The following NUDT6 variants were observed in gnomAD, a reference collection of about 807,000 sequenced individuals.
NUDT6 encodes the protein nudix hydrolase 6.
A neutral mutation model predicts 36.8 loss-of-function variants in NUDT6; 24 were observed. The observed-to-expected ratio is 0.65, with a 90% CI of 0.47 to 0.92. The LOEUF is 0.92. Ranked by LOEUF, NUDT6 falls within the 40% of genes least tolerant of loss-of-function variation. The probability of loss-of-function intolerance (pLI) is 0.00; values close to 1 mark genes in which losing one functional copy is unlikely to be tolerated. For missense variants in NUDT6, 388 were observed against 392.8 expected, an observed-to-expected ratio of 0.99 and a Z score of 0.10; for synonymous variants, 163 against 157.0, an observed-to-expected ratio of 1.04 and a Z score of -0.29.
chr4:122,917,564 G>GTGT lies in NUDT6; in HGVS notation c.378_379insACA (p.Thr126dup). 1 of 1,614,190 alleles carries GTGT rather than the reference G, an allele frequency of 6.2e-7. No individual in the cohort carries two copies. Among genetic ancestry groups the GTGT allele is most frequent in the Non-Finnish European group, 8.5e-7 (1 of 1,180,036 alleles). Reference sequence around the variant, plus strand: ...CTGCTGGGCCCTTCTCTCAGCCACAGAGTCAACGTTGATGAATCCGATTCT... The same window carrying GTGT: ...CTGCTGGGCCCTTCTCTCAGCCACAGTGTAGTCAACGTTGATGAATCCGATTCT... On this transcript the variant is annotated inframe_insertion, in exon 2 of 5. Transcript: ENST00000304430.
intron 3 of NUDT6, among the ~76,000 whole-genome samples, chr4:122,911,803 A>C (rs894174097): frequency 1.3e-5 from 2 of 152,166 alleles, no homozygotes; most frequent in Non-Finnish European, 2.9e-5. Context: ...ATCCCTAATC[A>C]CGGTACTTCT....
intron 1 of NUDT6, chr4:122,919,839 A>G (rs1473507977): frequency 6.6e-6 from 1 of 152,158 alleles, no homozygotes; most frequent in Non-Finnish European, 1.5e-5. Flanking sequence ...ATTTTTTCCA[A>G]TTCTATTTAA....
intron 3 of NUDT6, among the ~76,000 whole-genome samples, chr4:122,908,935 T>C (rs901080322): frequency 4.6e-5 from 7 of 152,230 alleles, no homozygotes; most frequent in Non-Finnish European, 1.0e-4. Context: ...AACTTCTTTC[T>C]TTCTTACTTA....
At chr4:122,893,552 TAAA>T (rs1727254881) in intron 4 of NUDT6, 1 of 196,534 alleles carries the variant, frequency 5.1e-6, no homozygotes, top group South Asian at 1.8e-4. Flanking sequence ...ATTGAAAAGT[TAAA>T]ACATTTTGCA....
In NUDT6 at chr4:122,917,605, A is replaced by G; in HGVS notation, c.338T>C (p.Phe113Ser). 6.2e-7 allele frequency: 1 copy of G among 1,614,208 alleles called. No individual in the cohort carries two copies. Among genetic ancestry groups the G allele is most frequent in the South Asian group, 1.1e-5 (1 of 91,086 alleles). The change falls in exon 2 of 5, where the codon TTC becomes TCC. Residue 113 changes from phenylalanine to serine, a missense_variant. Transcript: ENST00000304430. ...ATCCGATTCTGCGTGGTGAAAGCAGAAGCCCAGGGAAGCAGCAGGGGCAAT... is the reference window on the plus strand; with the variant it reads ...ATCCGATTCTGCGTGGTGAAAGCAGGAGCCCAGGGAAGCAGCAGGGGCAAT... ...RFIAPAASLG[F>S]CFHHAESDSS...
intron 2 of NUDT6, among the ~76,000 whole-genome samples, chr4:122,916,486 C>A (rs547552576): frequency 4.7e-4 from 72 of 152,260 alleles, no homozygotes; most frequent in African/African-American, 1.6e-3. Flanking sequence ...ATTTACTTTA[C>A]AAATTTACAT....
chr4:122,906,138 C>T (rs1390419514), intron 3 of NUDT6, among the ~76,000 whole-genome samples: 1 of 152,190 alleles, frequency 6.6e-6, no homozygotes, highest in East Asian at 1.9e-4. Context: ...TCTATTCAGT[C>T]TCCTTTGCAG....
intron 4 of NUDT6, chr4:122,894,334 T>TA (rs1475960483): frequency 6.6e-6 from 1 of 152,350 alleles, no homozygotes; most frequent in African/African-American, 2.4e-5. Flanking sequence ...CTCATGCCTA[T>TA]ATTCCCTGCA....
chr4:122,913,965 A>C (rs370837865), intron 2 of NUDT6, among the ~76,000 whole-genome samples: 13 of 152,192 alleles, frequency 8.5e-5, no homozygotes, highest in African/African-American at 3.1e-4. Context: ...GAGTTCCTCT[A>C]TATAATGTAC....
At chr4:122,898,266 T>C (rs1727428153) in intron 3 of NUDT6, 1 of 152,202 alleles carries the variant, frequency 6.6e-6, no homozygotes, top group African/African-American at 2.4e-5. Context: ...CTATGAATTC[T>C]TTTTTCTTTT....
At chr4:122,893,593 T>C (rs534326153) in intron 4 of NUDT6, 1 of 163,980 alleles carries the variant, frequency 6.1e-6, no homozygotes, top group African/African-American at 2.4e-5. Context: ...TTTCTTGAGA[T>C]AAGATTCCAA....
rs750511987 is a variant in NUDT6 at position 122,922,343 on chromosome 4, C to A, written c.230G>T (p.Gly77Val). 1 of 1,600,312 alleles carries A rather than the reference C, an allele frequency of 6.2e-7. No individual in the cohort carries two copies. Among genetic ancestry groups the A allele is most frequent in the East Asian group, 2.2e-5 (1 of 44,792 alleles). The stretch of plus-strand genomic sequence containing the variant: ...GTCCCAGGCGCACTTGCCCTGCAAG[C>A]CCTTCTGGAAGGCGGCAGCGTCCAG... ...DRLDAAAFQK[G>V]LQAAVQQWRS... Residue 77 changes from glycine (G) to valine (V), a missense_variant, in exon 1 of 5, where the codon GGC (glycine) becomes GTC (valine). Physicochemically the swap from Gly to Val is moderately radical, Grantham distance 109. Coordinates refer to ENST00000304430, the MANE Select transcript of NUDT6 (RefSeq NM_007083.5).
rs949823827 is a variant in NUDT6 at position 122,912,481 on chromosome 4, T to G, written c.498+87A>C. 4 of 893,206 alleles carry G rather than the reference T, an allele frequency of 4.5e-6. No homozygotes were observed. The African/African-American group carries it at 6.8e-5, about 15-fold the overall frequency. 55.3% of individuals were successfully genotyped at this position (893,206 alleles called of 1,614,324 possible). On this transcript the variant is annotated intron_variant, in intron 3 of 4. Transcript: ENST00000304430. Reference sequence around the variant, plus strand: ...TTTTAAAATACCTTTCTATAACCCCTTAGGCATATTAAAATTTCTATATTT... The same window carrying G: ...TTTTAAAATACCTTTCTATAACCCCGTAGGCATATTAAAATTTCTATATTT...
chr4:122,915,245 T>C (rs1727804953), intron 2 of NUDT6, among the ~76,000 whole-genome samples: 1 of 152,084 alleles, frequency 6.6e-6, no homozygotes, highest in Non-Finnish European at 1.5e-5. Context: ...GCCAATTATT[T>C]TTCTTTCCAC....
intron 4 of NUDT6, chr4:122,895,431 T>A (rs1226214352): frequency 1.3e-5 from 2 of 152,228 alleles, no homozygotes; most frequent in African/African-American, 4.8e-5. Context: ...TATTTAATAA[T>A]AGAATTAGAT....
At chr4:122,906,608 G>A (rs950564372) in intron 3 of NUDT6, among the ~76,000 whole-genome samples, 1 of 152,168 alleles carries the variant, frequency 6.6e-6, no homozygotes, top group Non-Finnish European at 1.5e-5. Flanking sequence ...CCCCTATTAA[G>A]TGTTTAGAAG....
intron 3 of NUDT6, among the ~76,000 whole-genome samples, chr4:122,907,258 G>A (rs937817940): frequency 6.6e-6 from 1 of 151,788 alleles, no homozygotes; most frequent in South Asian, 2.1e-4. Flanking sequence ...AGCCTCCTGA[G>A]TAGCTGGGAT....
At chr4:122,899,929 TAGAA>T (rs1226749175) in intron 3 of NUDT6, among the ~76,000 whole-genome samples, 7 of 151,888 alleles carry the variant, frequency 4.6e-5, no homozygotes, top group East Asian at 1.9e-4. Flanking sequence ...GGGCCACTCA[TAGAA>T]AGAGTTGCAG....
chr4:122,914,321 T>G (rs945072184), intron 2 of NUDT6, among the ~76,000 whole-genome samples: 1 of 152,042 alleles, frequency 6.6e-6, no homozygotes, highest in Admixed American at 6.6e-5. Flanking sequence ...TATTAGAAAA[T>G]GTAAGCTATA....
Sources: allele counts gnomAD v4.1 joint callset (sites outside exome capture counted in the v4.1 genomes callset), GRCh38; gene constraint gnomAD v4.1.1; transcripts MANE v1.5; gene names NCBI Gene and HGNC (gene_info 2026-07-23, HGNC 2026-07-21).